SOX5: variants seen among roughly 807,000 people sequenced by gnomAD.
SOX5 encodes the protein SRY-box transcription factor 5.
A neutral mutation model predicts 92.0 loss-of-function variants in SOX5; 9 were observed. That is an observed-to-expected ratio of 0.10 (90% CI 0.06 to 0.17). SOX5 has a LOEUF of 0.17. Ranked by LOEUF, SOX5 falls within the 10% of genes least tolerant of loss-of-function variation. The probability of loss-of-function intolerance (pLI) is 1.00; values close to 1 mark genes in which losing one functional copy is unlikely to be tolerated. For synonymous variants in SOX5, 344 were observed against 336.3 expected (o/e 1.02, Z -0.25); for missense variants, 642 against 944.5 (o/e 0.68, Z 4.20).
At chr12:23,886,603 G>A (rs1159784918) in intron 2 of SOX5, among the ~76,000 whole-genome samples, 1 of 151,708 alleles carries the variant, frequency 6.6e-6, no homozygotes, top group Non-Finnish European at 1.5e-5. Context: ...AATGACTAAT[G>A]CACTGGTATT....
intron 4 of SOX5, among the ~76,000 whole-genome samples, chr12:24,147,325 A>G (rs1565531832): frequency 6.6e-6 from 1 of 152,210 alleles, no homozygotes; most frequent in Non-Finnish European, 1.5e-5. Context: ...CCAAACTACA[A>G]AGAAAAACTA....
intron 2 of SOX5, among the ~76,000 whole-genome samples, chr12:23,855,729 T>A (rs1413462305): frequency 6.6e-6 from 1 of 152,110 alleles, no homozygotes; most frequent in Non-Finnish European, 1.5e-5. Flanking sequence ...TTGCTATTTC[T>A]CTCTGCTATG....
intron 10 of SOX5, among the ~76,000 whole-genome samples, chr12:23,569,639 T>C (rs113950106): frequency 0.021 from 3,165 of 152,264 alleles, 48 homozygotes; most frequent in Non-Finnish European, 0.032. Flanking sequence ...GTACACAACA[T>C]TCCCCCTTTT....
chr12:24,316,260 G>A (rs1303835279), intron 2 of SOX5, among the ~76,000 whole-genome samples: 1 of 152,142 alleles, frequency 6.6e-6, no homozygotes, highest in African/African-American at 2.4e-5. Flanking sequence ...GGGAGTAGAA[G>A]GGTGGAGGGT....
chr12:23,564,833 A>C (rs1307042670), intron 10 of SOX5, among the ~76,000 whole-genome samples: 1 of 152,180 alleles, frequency 6.6e-6, no homozygotes. Context: ...AGACTCTTCT[A>C]TCTGATCTGC....
intron 2 of SOX5, among the ~76,000 whole-genome samples, chr12:23,853,309 CCAA>C (rs1203525183): frequency 1.3e-5 from 2 of 151,200 alleles, no homozygotes; most frequent in African/African-American, 4.8e-5. Context: ...TAGAAATGCA[CCAA>C]CATTTAGTTT....
intron 2 of SOX5, among the ~76,000 whole-genome samples, chr12:24,307,210 G>C (rs1463522457): frequency 1.3e-5 from 2 of 152,052 alleles, no homozygotes; most frequent in Non-Finnish European, 2.9e-5. Flanking sequence ...TCCCCACCAG[G>C]GTCCTCTGAA....
intron 7 of SOX5, among the ~76,000 whole-genome samples, chr12:23,658,397 T>A (rs2082588939): frequency 1.3e-5 from 2 of 152,240 alleles, no homozygotes; most frequent in African/African-American, 4.8e-5. Context: ...TCATTTCATA[T>A]TTTTAAACCA....
chr12:23,943,176 A>G (rs1212757986), intron 1 of SOX5, among the ~76,000 whole-genome samples: 1 of 151,934 alleles, frequency 6.6e-6, no homozygotes, highest in Non-Finnish European at 1.5e-5. Context: ...AAATGCTTTC[A>G]TTTCAGCAAA....
intron 1 of SOX5, among the ~76,000 whole-genome samples, chr12:24,371,336 AT>A (rs139864037): frequency 0.025 from 3,801 of 152,302 alleles, 74 homozygotes; most frequent in East Asian, 0.048. Flanking sequence ...TCGGAGACAG[AT>A]TTTTCCCCCC....
intron 1 of SOX5, among the ~76,000 whole-genome samples, chr12:24,465,714 T>C (rs1483703022): frequency 6.6e-6 from 1 of 152,192 alleles, no homozygotes; most frequent in Non-Finnish European, 1.5e-5. Context: ...GAAATTATAT[T>C]AGTCAGGGGC....
chr12:23,697,649 C>T (rs746598531), intron 6 of SOX5, among the ~76,000 whole-genome samples: 4 of 152,144 alleles, frequency 2.6e-5, no homozygotes, highest in South Asian at 2.1e-4. Flanking sequence ...CTCCCAGATT[C>T]AAGAGATTCT....
intron 4 of SOX5, among the ~76,000 whole-genome samples, chr12:24,064,674 G>A (rs1940348891): frequency 6.6e-6 from 1 of 152,086 alleles, no homozygotes; most frequent in South Asian, 2.1e-4. Context: ...TGTTCAATAT[G>A]GTGCTGGAAC....
intron 2 of SOX5, among the ~76,000 whole-genome samples, chr12:24,306,254 G>T (rs1003705396): frequency 6.6e-6 from 1 of 152,148 alleles, no homozygotes; most frequent in East Asian, 1.9e-4. Context: ...TGCCTGCACC[G>T]CCAGCTCTGA....
At chr12:23,849,520 C>T (rs1023005037) in intron 2 of SOX5, among the ~76,000 whole-genome samples, 1 of 152,132 alleles carries the variant, frequency 6.6e-6, no homozygotes, top group Admixed American at 6.6e-5. Context: ...TCAGCCCCAA[C>T]CTATTGGGCT....
chr12:24,527,031 A>G (rs1025032367), intron 1 of SOX5, among the ~76,000 whole-genome samples: 2 of 151,846 alleles, frequency 1.3e-5, no homozygotes, highest in South Asian at 4.2e-4. Flanking sequence ...GGCTCAAGCA[A>G]TCCTCCCACC....
At chr12:24,427,885 T>C (rs1004429483) in intron 1 of SOX5, among the ~76,000 whole-genome samples, 4 of 152,088 alleles carry the variant, frequency 2.6e-5, no homozygotes, top group Non-Finnish European at 4.4e-5. Context: ...ATTAAAAAGG[T>C]AGAAAACCCT....
chr12:23,734,631 A>G, intron 6 of SOX5, 53 bp downstream of exon 6: 2 of 1,344,246 alleles, frequency 1.5e-6, no homozygotes, highest in African/African-American at 1.5e-5. Flanking sequence ...AAGGATAAGA[A>G]ACAGAATATA....
rs114831147 is a variant in SOX5, at chr12:24,061,616, A to G, written c.-2+151727T>C. ...AACATAGGGCATCACACAAAAGCTA[A>G]GCAATTTGGTTCTGAGAACTTTCTT... On this transcript the variant is annotated intron_variant, in intron 4 of 4. Coordinates refer to the SOX5 transcript ENST00000446891. Among the ~76,000 whole-genome samples the G allele has an allele frequency of 2.6e-3, 396 of 152,284 alleles. 3 individuals carry two copies. Among genetic ancestry groups the G allele is most frequent in the African/African-American group, 9.1e-3 (377 of 41,566 alleles).
Sources: allele counts gnomAD v4.1 joint callset (sites outside exome capture counted in the v4.1 genomes callset), GRCh38; gene constraint gnomAD v4.1.1; transcripts MANE v1.5; gene names NCBI Gene and HGNC (gene_info 2026-07-23, HGNC 2026-07-21).